The following FBN2 variants were observed in gnomAD, a reference collection of about 807,000 sequenced individuals.
The protein encoded by FBN2 is fibrillin 2.
Under a neutral mutation model 355.6 loss-of-function variants are expected in FBN2, and 105 were observed. The observed-to-expected ratio is 0.30, with a 90% CI of 0.25 to 0.35. FBN2 has a LOEUF of 0.35. Among genes scored for constraint, FBN2 ranks in the 10% least tolerant of loss-of-function variants. The pLI is 1.00. For missense variants in FBN2, 3,280 were observed against 3,758.7 expected (o/e 0.87, Z 3.33); for synonymous variants, 1,350 against 1,301.2 (o/e 1.04, Z -0.81).
intron 62 of FBN2, among the ~76,000 whole-genome samples, chr5:128,269,305 T>A (rs918356525): frequency 4.1e-5 from 6 of 146,218 alleles, no homozygotes; most frequent in African/African-American, 1.5e-4. Context: ...ATAATAATAA[T>A]AAACTAATAA....
chr5:128,314,461 G>C (rs758811398), intron 36 of FBN2, among the ~76,000 whole-genome samples: 1 of 152,086 alleles, frequency 6.6e-6, no homozygotes, highest in African/African-American at 2.4e-5. Flanking sequence ...GGGACTACAG[G>C]TGCCTGCCAC....
At chr5:128,279,936 C>T (rs966111366) in intron 56 of FBN2, among the ~76,000 whole-genome samples, 2 of 152,014 alleles carry the variant, frequency 1.3e-5, no homozygotes, top group African/African-American at 4.8e-5. Context: ...CCAAATTTTC[C>T]AAAGAACTTA....
chr5:128,503,480 G>T (rs772781612), intron 5 of FBN2, among the ~76,000 whole-genome samples: 2 of 152,158 alleles, frequency 1.3e-5, no homozygotes, highest in Non-Finnish European at 2.9e-5. Flanking sequence ...ACTTCCTGGA[G>T]ACTTGTTGAA....
chr5:128,448,720 A>T (rs2127060430), intron 6 of FBN2, among the ~76,000 whole-genome samples: 1 of 152,284 alleles, frequency 6.6e-6, no homozygotes, highest in Non-Finnish European at 1.5e-5. Flanking sequence ...AATACTAATT[A>T]TTACTTTAGT....
chr5:128,370,872 T>C (rs886756980), intron 15 of FBN2, among the ~76,000 whole-genome samples: 2 of 152,120 alleles, frequency 1.3e-5, no homozygotes, highest in Non-Finnish European at 2.9e-5. Context: ...AAAAAGAAAG[T>C]AGCATAACTT....
chr5:128,292,461 C>A (rs1749351901), intron 48 of FBN2, among the ~76,000 whole-genome samples: 1 of 152,158 alleles, frequency 6.6e-6, no homozygotes, highest in African/African-American at 2.4e-5. Flanking sequence ...ACATGTCTGT[C>A]TGGCTCGCTG....
Position 128,385,359 on chromosome 5 carries a change from C to T in FBN2, c.1604-6469G>A, listed in dbSNP as rs368140003. On this transcript the variant is annotated intron_variant, in intron 11 of 64. Coordinates refer to ENST00000262464, the MANE Select transcript of FBN2 (RefSeq NM_001999.4). The stretch of plus-strand genomic sequence containing the variant: ...CATTTAGGACAATGGCCTCCAGCTC[C>T]ATCCATGTTGTTGCAAAGCACATGG... Among the ~76,000 whole-genome samples the T allele has an allele frequency of 5.9e-5, 9 of 152,238 alleles. No homozygotes were observed. The South Asian group carries it at 1.9e-3, about 32-fold the overall frequency.
chr5:128,383,039 C>T (rs1752274902), intron 11 of FBN2, among the ~76,000 whole-genome samples: 1 of 151,950 alleles, frequency 6.6e-6, no homozygotes, highest in Non-Finnish European at 1.5e-5. Flanking sequence ...ATATAGATCC[C>T]TAAGAGAAGG....
intron 7 of FBN2, among the ~76,000 whole-genome samples, chr5:128,444,054 CTTTTTTTTTTTTTTT>C (rs35768962): frequency 0.16 from 10,366 of 66,066 alleles, 511 homozygotes; most frequent in Middle Eastern, 0.26. Context: ...ATCACTTGTT[CTTTTTTTTTTTTTTT>C]TTTTTTTTTT....
At position 128,427,038 on chromosome 5, in the gene FBN2, A is replaced by G. The variant is rs192172410; in HGVS notation, c.953-18239T>C. Among the ~76,000 whole-genome samples the G allele has an allele frequency of 5.9e-5, 9 of 152,280 alleles. No homozygotes were observed. In the East Asian group the frequency reaches 1.7e-3, roughly 29 times the overall value. On this transcript the variant is annotated intron_variant, in intron 7 of 64. Transcript: ENST00000262464. ...GAAGACTTCCAAATTTATATTGCCA[A>G]CCTTGACCTTGCCCTTGAACTTGAC...
At chr5:128,396,952 A>G (rs1752666411) in intron 8 of FBN2, among the ~76,000 whole-genome samples, 1 of 152,208 alleles carries the variant, frequency 6.6e-6, no homozygotes, top group Non-Finnish European at 1.5e-5. Flanking sequence ...TAAAGTAAGC[A>G]CATTATGTCC....
intron 5 of FBN2, among the ~76,000 whole-genome samples, chr5:128,504,643 C>A (rs1333604646): frequency 1.3e-5 from 2 of 152,296 alleles, no homozygotes; most frequent in African/African-American, 4.8e-5. Flanking sequence ...GGTGTATTTA[C>A]CCAATGCCTG....
intron 5 of FBN2, among the ~76,000 whole-genome samples, chr5:128,482,211 C>G (rs1010784148): frequency 2.6e-5 from 4 of 151,960 alleles, no homozygotes; most frequent in Admixed American, 2.0e-4. Context: ...GCATTCAAGC[C>G]TTCTTCCTAT....
chr5:128,438,348 A>G (rs1561457091), intron 7 of FBN2, among the ~76,000 whole-genome samples: 1 of 152,214 alleles, frequency 6.6e-6, no homozygotes, highest in African/African-American at 2.4e-5. Context: ...AATCAGCTTC[A>G]TTGTAATAAC....
At chr5:128,435,725 T>G (rs3805657) in intron 7 of FBN2, among the ~76,000 whole-genome samples, 26,803 of 152,132 alleles carry the variant, frequency 0.18, 2,692 homozygotes, top group African/African-American at 0.27. Flanking sequence ...CTCTTGTTAC[T>G]GGGATAAATA....
chr5:128,335,202 A>T lies in FBN2; in HGVS notation c.3941T>A (p.Phe1314Tyr). The T allele has an allele frequency of 6.2e-7, 1 of 1,614,152 alleles. No homozygotes were observed. Among genetic ancestry groups the T allele is most frequent in the Non-Finnish European group, 8.5e-7 (1 of 1,180,008 alleles). The change falls in exon 30 of 65, where the codon TTC (phenylalanine) becomes TAC (tyrosine). Residue 1314 changes from phenylalanine to tyrosine, a missense_variant. By Grantham distance (22) the Phe-to-Tyr change is conservative. Coordinates refer to ENST00000262464, the MANE Select transcript of FBN2 (RefSeq NM_001999.4). Reference protein sequence around the residue: ...GEYRCLCYDGFMASMDMKTCI... With the variant: ...GEYRCLCYDGYMASMDMKTCI... ...TGTTTTCATGTCCATGGAAGCCATG[A>T]AGCCATCATAGCAGAGGCAGCGATA...
intron 9 of FBN2, 30 bp downstream of exon 9, chr5:128,395,092 T>C (rs1422884705): frequency 1.2e-6 from 2 of 1,613,346 alleles, no homozygotes; most frequent in East Asian, 2.2e-5. Flanking sequence ...ACAGTGTCTG[T>C]GCTGAGGAGA....
chr5:128,325,143 A>G (rs1415859666), intron 34 of FBN2, among the ~76,000 whole-genome samples: 1 of 152,136 alleles, frequency 6.6e-6, no homozygotes, highest in Non-Finnish European at 1.5e-5. Context: ...TCCTGAGCTG[A>G]GTTCAGATCC....
intron 61 of FBN2, among the ~76,000 whole-genome samples, chr5:128,272,434 C>T (rs1310643245): frequency 6.9e-6 from 1 of 144,888 alleles, no homozygotes; most frequent in African/African-American, 2.6e-5. Context: ...AACTAATTAA[C>T]TGCAAATGGT....
Sources: gnomAD v4.1 joint callset for allele counts (sites outside exome capture counted in the v4.1 genomes callset) on GRCh38, gnomAD v4.1.1 for gene constraint, MANE v1.5 for transcripts, NCBI Gene and HGNC (gene_info 2026-07-23, HGNC 2026-07-21) for gene names.